The following TRIO variants were observed in gnomAD, a reference collection of about 807,000 sequenced individuals.
TRIO encodes the protein triple functional domain protein.
A neutral mutation model predicts 351.9 loss-of-function variants in TRIO; 58 were observed. That is an observed-to-expected ratio of 0.16 (90% CI 0.13 to 0.21). TRIO has a LOEUF of 0.21. TRIO is among the 10% of genes least tolerant of loss of function. TRIO has a pLI of 1.00. For synonymous variants in TRIO, 1,758 were observed against 1,595.7 expected, an observed-to-expected ratio of 1.10 and a Z score of -2.42; for missense variants, 3,201 against 4,027.8, an observed-to-expected ratio of 0.79 and a Z score of 5.56.
intron 18 of TRIO, among the ~76,000 whole-genome samples, chr5:14,370,903 T>G (rs1222939347): frequency 1.3e-5 from 2 of 152,234 alleles, no homozygotes; most frequent in East Asian, 3.8e-4. Context: ...ATAATTAAGA[T>G]AGCTATTTAG....
chr5:14,434,845 T>C (rs1309996498), intron 34 of TRIO, among the ~76,000 whole-genome samples: 1 of 152,234 alleles, frequency 6.6e-6, no homozygotes, highest in Non-Finnish European at 1.5e-5. Context: ...TCTTCAGTCT[T>C]TTTTCTTCTT....
chr5:14,344,813 G>A (rs1379974621), intron 11 of TRIO, among the ~76,000 whole-genome samples: 1 of 152,116 alleles, frequency 6.6e-6, no homozygotes, highest in Non-Finnish European at 1.5e-5. Context: ...GCCTTTCGTG[G>A]GATATACACA....
intron 1 of TRIO, among the ~76,000 whole-genome samples, chr5:14,166,764 A>G (rs1001838006): frequency 6.6e-6 from 1 of 152,134 alleles, no homozygotes; most frequent in African/African-American, 2.4e-5. Context: ...GGGCCATTTT[A>G]TGGTGTAATG....
At chr5:14,144,641 A>C (rs1034066440) in intron 1 of TRIO, among the ~76,000 whole-genome samples, 1 of 151,356 alleles carries the variant, frequency 6.6e-6, no homozygotes, top group African/African-American at 2.4e-5. Context: ...GTGGAGGTGG[A>C]GGCGGTGCCA....
chr5:14,195,159 T>C (rs779629113), intron 1 of TRIO, among the ~76,000 whole-genome samples: 1 of 152,242 alleles, frequency 6.6e-6, no homozygotes, highest in Non-Finnish European at 1.5e-5. Flanking sequence ...TTTCGTGCAG[T>C]ATCCATTCCA....
chr5:14,164,523 A>G (rs1022137591), intron 1 of TRIO, among the ~76,000 whole-genome samples: 14 of 152,178 alleles, frequency 9.2e-5, no homozygotes, highest in African/African-American at 3.1e-4. Context: ...TTGTTCAAGA[A>G]TCCGATTTTC....
At chr5:14,273,123 C>T (rs1269639894) in intron 2 of TRIO, among the ~76,000 whole-genome samples, 1 of 152,164 alleles carries the variant, frequency 6.6e-6, no homozygotes, top group Non-Finnish European at 1.5e-5. Context: ...CACTAATTTA[C>T]TTTCTGCTCT....
At chr5:14,440,648 C>T (rs1007186379) in intron 34 of TRIO, among the ~76,000 whole-genome samples, 1 of 152,132 alleles carries the variant, frequency 6.6e-6, no homozygotes, top group Non-Finnish European at 1.5e-5. Context: ...AAGTGAGGAG[C>T]GGCATTACAG....
At chr5:14,507,794 C>T in intron 56 of TRIO, 86 bp from the exon 57 acceptor site, 1 of 1,488,036 alleles carries the variant, frequency 6.7e-7, no homozygotes, top group Non-Finnish European at 9.0e-7. Context: ...TAGATTCCTT[C>T]CACCTCACCA....
chr5:14,370,826 A>C (rs1346777927), intron 18 of TRIO, among the ~76,000 whole-genome samples: 1 of 152,250 alleles, frequency 6.6e-6, no homozygotes, highest in Non-Finnish European at 1.5e-5. Context: ...AGGTGGAATC[A>C]TTAGAATTTT....
At chr5:14,502,149 C>T (rs1183586820) in intron 53 of TRIO, among the ~76,000 whole-genome samples, 1 of 152,110 alleles carries the variant, frequency 6.6e-6, no homozygotes, top group Admixed American at 6.5e-5. Flanking sequence ...GAGGAGAGAG[C>T]AACTTAGCCT....
intron 34 of TRIO, among the ~76,000 whole-genome samples, chr5:14,426,049 C>A (rs551929308): frequency 1.1e-4 from 16 of 152,120 alleles, no homozygotes; most frequent in Non-Finnish European, 2.4e-4. Flanking sequence ...TCATTTCTAC[C>A]GTTACTCTTA....
intron 1 of TRIO, among the ~76,000 whole-genome samples, chr5:14,193,987 A>G (rs1790600848): frequency 1.3e-5 from 2 of 152,132 alleles, no homozygotes; most frequent in Admixed American, 1.3e-4. Flanking sequence ...GTAGTTTTTC[A>G]GTATTCTCAG....
rs752274649 is a variant in TRIO, at chr5:14,465,566, C to T, written c.5689C>T (p.Arg1897Cys). 5.6e-6 allele frequency: 9 copies of T among 1,614,062 alleles called. No homozygotes were observed. The highest frequency in any genetic ancestry group is 1.7e-5 in the Admixed American group (1 of 59,994). Reference sequence around the variant, plus strand: ...GTAGGCCTCTTCTCGGTTATTAGTCCGCCCCACCAGCTCCGAAACACCGAG... The same window carrying T: ...GTAGGCCTCTTCTCGGTTATTAGTCTGCCCCACCAGCTCCGAAACACCGAG... ...DDKASSRLLV[R>C]PTSSETPSAA... The change falls in exon 37 of 57, where the codon CGC becomes TGC. Residue 1897 changes from arginine to cysteine, a missense_variant. This residue lies in a region of TRIO where 307 missense variants were observed against 396.5 expected (regional missense o/e 0.77). Transcript: ENST00000344204.
At chr5:14,481,771 C>CTTTTTTTTTTTT (rs34046917) in intron 45 of TRIO, 153 bp downstream of exon 45, 1 of 177,832 alleles carries the variant, frequency 5.6e-6, no homozygotes, top group Non-Finnish European at 9.9e-6. Flanking sequence ...ATTTTATTTC[C>CTTTTTTTTTTTT]TTTTTTTTTT....
At chr5:14,285,562 G>C (rs903081169) in intron 3 of TRIO, among the ~76,000 whole-genome samples, 1 of 152,002 alleles carries the variant, frequency 6.6e-6, no homozygotes, top group Non-Finnish European at 1.5e-5. Context: ...GGAGGGCAGG[G>C]TTAGGGGAGT....
At chr5:14,176,934 GATA>G (rs1789440950) in intron 1 of TRIO, among the ~76,000 whole-genome samples, 1 of 152,174 alleles carries the variant, frequency 6.6e-6, no homozygotes, top group Non-Finnish European at 1.5e-5. Context: ...TTACAGGGTT[GATA>G]ATATTATAAT....
chr5:14,304,456 C>A lies in TRIO; in HGVS notation c.1369-5C>A, dbSNP rs776654412. The A allele has an allele frequency of 6.3e-7, 1 of 1,598,014 alleles. No individual in the cohort carries two copies. Among genetic ancestry groups the A allele is most frequent in the Non-Finnish European group, 8.5e-7 (1 of 1,176,240 alleles). ...ATAGAAATAATCTTTTTTTAACCTT[C>A]CAAGTATATGAGCAACGTGGATTCA... is the stretch of plus-strand genomic sequence containing the variant. On this transcript the variant is annotated splice_polypyrimidine_tract_variant and splice_region_variant and intron_variant, in intron 7 of 56. Coordinates refer to ENST00000344204, the MANE Select transcript of TRIO (RefSeq NM_007118.4).
At chr5:14,370,123 C>CTTTCTT (rs1744956876) in intron 18 of TRIO, among the ~76,000 whole-genome samples, 1 of 144,450 alleles carries the variant, frequency 6.9e-6, no homozygotes, top group African/African-American at 2.5e-5. Flanking sequence ...TTCTTTCTTT[C>CTTTCTT]TTTTTTTTTT....
Sources: gnomAD v4.1 joint callset for allele counts (sites outside exome capture counted in the v4.1 genomes callset) on GRCh38, gnomAD v4.1.1 for gene constraint, gnomAD v4.1.1 regional missense constraint, MANE v1.5 for transcripts, NCBI Gene and HGNC (gene_info 2026-07-23, HGNC 2026-07-21) for gene names.